The following DTNB variants were observed in gnomAD, a reference collection of about 807,000 sequenced individuals.
DTNB encodes the protein dystrobrevin beta, also known as DTN-B.
Under a neutral mutation model 90.7 loss-of-function variants are expected in DTNB, and 63 were observed. That is an observed-to-expected ratio of 0.69 (90% CI 0.57 to 0.86). DTNB has a LOEUF of 0.86. Ranked by LOEUF, DTNB falls within the 40% of genes least tolerant of loss-of-function variation. The probability of loss-of-function intolerance (pLI) is 0.00; values close to 1 mark genes in which losing one functional copy is unlikely to be tolerated. For synonymous variants in DTNB, 277 were observed against 286.7 expected (o/e 0.97, Z 0.34); for missense variants, 744 against 807.1 (o/e 0.92, Z 0.95).
intron 16 of DTNB, among the ~76,000 whole-genome samples, chr2:25,390,277 T>C (rs7577599): frequency 0.26 from 39,200 of 152,038 alleles, 5,888 homozygotes; most frequent in East Asian, 0.58. Context: ...AAATGGATCA[T>C]AGTAACTATA....
In DTNB at chr2:25,640,227, T is replaced by G. The variant is rs534730116; in HGVS notation, c.68-1133A>C. On this transcript the variant is annotated intron_variant, in intron 2 of 20. Transcript: ENST00000406818. The stretch of plus-strand genomic sequence containing the variant: ...AAGTCTCCTTGAATTTTAAGACCAC[T>G]GTAGATAGGATTGGCCCCCAATGTG... Among the ~76,000 whole-genome samples, 19 of 152,312 alleles carry G rather than the reference T, an allele frequency of 1.2e-4. No individual in the cohort carries two copies. The South Asian group carries it at 3.7e-3, about 30-fold the overall frequency.
At chr2:25,494,687 A>G (rs1473456943) in intron 9 of DTNB, among the ~76,000 whole-genome samples, 1 of 152,184 alleles carries the variant, frequency 6.6e-6, no homozygotes, top group African/African-American at 2.4e-5. Flanking sequence ...ATGCTTAGGA[A>G]GAAAGAGTTT....
chr2:25,524,233 T>C (rs1243413973), intron 9 of DTNB, among the ~76,000 whole-genome samples: 1 of 152,028 alleles, frequency 6.6e-6, no homozygotes, highest in East Asian at 1.9e-4. Context: ...CTGATTGATC[T>C]TGGTATCAGC....
chr2:25,393,964 C>G (rs1180156611), intron 16 of DTNB, among the ~76,000 whole-genome samples: 1 of 152,072 alleles, frequency 6.6e-6, no homozygotes, highest in African/African-American at 2.4e-5. Flanking sequence ...AAGAATAAAT[C>G]TGGAGGCATC....
intron 5 of DTNB, among the ~76,000 whole-genome samples, chr2:25,598,057 T>G (rs964123299): frequency 1.3e-5 from 2 of 152,214 alleles, no homozygotes; most frequent in Non-Finnish European, 2.9e-5. Context: ...AACTAACAAG[T>G]TGCAAGTTCC....
Position 25,432,886 on chromosome 2 carries a change from C to G in DTNB, c.1457G>C (p.Arg486Thr). The change falls in exon 14 of 21, where the codon AGG becomes ACG. Residue 486 changes from arginine to threonine, a missense_variant and splice_region_variant. By Grantham distance (71) the Arg-to-Thr change is moderately conservative. Coordinates refer to ENST00000406818, the MANE Select transcript of DTNB (RefSeq NM_021907.5). ...CAAGTGGTAGAGTGTCCCTACTCAC[C>G]TCAGCAGCCGCAGCTCTGCCAGCAG... ...PTLLAELRLL[R>T]QRKDELEQRM... 6.3e-7 allele frequency: 1 copy of G among 1,596,326 alleles called. No homozygotes were observed. The highest frequency in any genetic ancestry group is 8.5e-7 in the Non-Finnish European group (1 of 1,172,330).
chr2:25,388,532 A>C, intron 16 of DTNB, 171 bp from the exon 17 acceptor site: 1 of 910,396 alleles, frequency 1.1e-6, no homozygotes, highest in South Asian at 1.9e-5. Flanking sequence ...GGAGAGAGGA[A>C]GAAAAGGAAA....
At chr2:25,536,530 C>T (rs1195175994) in intron 8 of DTNB, among the ~76,000 whole-genome samples, 4 of 152,280 alleles carry the variant, frequency 2.6e-5, no homozygotes, top group Non-Finnish European at 5.9e-5. Flanking sequence ...GGCGAAACCC[C>T]GTCTCCACCA....
intron 3 of DTNB, among the ~76,000 whole-genome samples, chr2:25,634,147 G>A (rs1364109150): frequency 3.3e-5 from 5 of 150,212 alleles, no homozygotes; most frequent in Admixed American, 6.6e-5. Context: ...CGCCCCATCC[G>A]GGAGGTGAAG....
intron 10 of DTNB, among the ~76,000 whole-genome samples, chr2:25,458,745 C>T (rs76847424): frequency 1.3e-5 from 2 of 152,068 alleles, no homozygotes; most frequent in Non-Finnish European, 2.9e-5. Flanking sequence ...CCCGGGTTCA[C>T]GCCATTCTCC....
At chr2:25,493,294 A>T (rs1575080172) in intron 9 of DTNB, among the ~76,000 whole-genome samples, 1 of 152,262 alleles carries the variant, frequency 6.6e-6, no homozygotes, top group Non-Finnish European at 1.5e-5. Context: ...TTAATCTCTT[A>T]TTAATATTTT....
chr2:25,524,127 C>T (rs1440835065), intron 9 of DTNB, among the ~76,000 whole-genome samples: 4 of 152,004 alleles, frequency 2.6e-5, no homozygotes, highest in South Asian at 2.1e-4. Flanking sequence ...TCTTGAGCTC[C>T]GGACCTCAGG....
chr2:25,486,896 G>A (rs1257258713), intron 9 of DTNB, among the ~76,000 whole-genome samples: 1 of 152,162 alleles, frequency 6.6e-6, no homozygotes, highest in African/African-American at 2.4e-5. Flanking sequence ...TCTCAGCAAG[G>A]TATAGGCACT....
intron 8 of DTNB, among the ~76,000 whole-genome samples, chr2:25,536,665 A>G (rs1438147410): frequency 1.3e-5 from 2 of 152,182 alleles, no homozygotes; most frequent in Non-Finnish European, 1.5e-5. Context: ...TCATGGCAGT[A>G]CAGTCCAGGC....
chr2:25,572,167 A>G (rs764286769), intron 8 of DTNB, among the ~76,000 whole-genome samples: 52 of 152,134 alleles, frequency 3.4e-4, no homozygotes, highest in Non-Finnish European at 6.6e-4. Flanking sequence ...TGAACTAAAA[A>G]GGCAAACTAT....
intron 1 of DTNB, among the ~76,000 whole-genome samples, chr2:25,660,787 G>T (rs1182174476): frequency 6.6e-6 from 1 of 151,908 alleles, no homozygotes; most frequent in Non-Finnish European, 1.5e-5. Context: ...TTCTATCGTG[G>T]ACAGTGTTGC....
chr2:25,652,492 T>C, intron 2 of DTNB, 102 bp downstream of exon 2: 2 of 1,225,242 alleles, frequency 1.6e-6, no homozygotes, highest in South Asian at 1.7e-5. Flanking sequence ...GCAAAGCTTA[T>C]AACATAAAAG....
rs188691057 is a variant in DTNB, at chr2:25,633,128, T to A, written c.149-4744A>T. Among the ~76,000 whole-genome samples the A allele has an allele frequency of 2.0e-5, 3 of 152,300 alleles. No individual in the cohort carries two copies. The East Asian group carries it at 5.8e-4, about 29-fold the overall frequency. On this transcript the variant is annotated intron_variant, in intron 3 of 20. Coordinates refer to ENST00000406818, the MANE Select transcript of DTNB (RefSeq NM_021907.5). ...ATCAAGATCACTGTATTTCTGTACA[T>A]CAGCAACATAACAATGAAATTTTAA...
intron 19 of DTNB, among the ~76,000 whole-genome samples, chr2:25,380,762 C>T (rs1434312744): frequency 6.9e-6 from 1 of 144,212 alleles, no homozygotes; most frequent in Non-Finnish European, 1.6e-5. Context: ...GCCCTGGGGC[C>T]TGGAGGCCCG....
Sources: gnomAD v4.1 joint callset for allele counts (sites outside exome capture counted in the v4.1 genomes callset) on GRCh38, gnomAD v4.1.1 for gene constraint, MANE v1.5 for transcripts, NCBI Gene and HGNC (gene_info 2026-07-23, HGNC 2026-07-21) for gene names.